Variants in RAB15 observed in about 807,000 individuals in gnomAD.
RAB15 encodes ras-related protein Rab-15.
RAB15 carries 13 observed loss-of-function variants against 31.8 expected under a neutral mutation model. The ratio of observed to expected loss-of-function variants is 0.41; its 90% CI spans 0.27 to 0.65. The LOEUF is 0.65. RAB15 is among the 30% of genes least tolerant of loss of function. The pLI is 0.32. For synonymous variants in RAB15, 100 were observed against 105.6 expected, an observed-to-expected ratio of 0.95 and a Z score of 0.33; for missense variants, 220 against 277.3, an observed-to-expected ratio of 0.79 and a Z score of 1.47.
intron 1 of RAB15, among the ~76,000 whole-genome samples, chr14:64,969,687 A>G (rs942820548): frequency 1.3e-5 from 2 of 152,104 alleles, no homozygotes; most frequent in Non-Finnish European, 2.9e-5. Context: ...AGGCCAATAT[A>G]CCAAGGGCCT....
chr14:64,966,939 C>G (rs2140001583), intron 1 of RAB15, among the ~76,000 whole-genome samples: 1 of 152,294 alleles, frequency 6.6e-6, no homozygotes, highest in Non-Finnish European at 1.5e-5. Context: ...AGTCTAGAAA[C>G]CTGCAAACCC....
rs982240866 is a variant in RAB15, at chr14:64,955,034, C to T, written c.125-2463G>A. ...TCTCACCTCCTCCCTCACTTCTTAG[C>T]TATGTGGCGGGGGACTAAGGCTGAG... On this transcript the variant is annotated intron_variant, in intron 1 of 6. Transcript: ENST00000533601. This position sits in a 1 kb window ranked among gnomAD's most constrained non-coding sequence, Gnocchi z 4.4. Among the ~76,000 whole-genome samples the T allele has an allele frequency of 6.6e-6, 1 of 152,086 alleles. No individual in the cohort carries two copies. The highest frequency in any genetic ancestry group is 2.4e-5 in the African/African-American group (1 of 41,402).
intron 1 of RAB15, among the ~76,000 whole-genome samples, chr14:64,957,599 CCT>C (rs1402332461): frequency 1.3e-5 from 2 of 152,200 alleles, no homozygotes; most frequent in Non-Finnish European, 2.9e-5. Flanking sequence ...ACAGCATACC[CCT>C]GAGCTATGGA....
In RAB15 at chr14:64,947,975, AAG is replaced by A. The variant is rs931055443; in HGVS notation, c.*377_*378del. ...GGGGTCAGAGAAAGAGAAGTGGGGG[AAG>A]AGAGAAAAAGCAGAGAAGAGACACG... is the stretch of plus-strand genomic sequence containing the variant. On this transcript the variant is annotated 3_prime_UTR_variant, in exon 7 of 7. Coordinates refer to ENST00000533601, the MANE Select transcript of RAB15 (RefSeq NM_001308154.2). This position sits in a 1 kb window ranked among gnomAD's most constrained non-coding sequence, Gnocchi z 5.6. 2 of 194,014 alleles carry A rather than the reference AAG, an allele frequency of 1.0e-5. No individual in the cohort carries two copies. The highest frequency in any genetic ancestry group is 4.6e-5 in the African/African-American group (2 of 43,078). 12.0% of individuals were successfully genotyped at this position (194,014 alleles called of 1,614,324 possible). A position where few individuals can be genotyped will look rare whatever the true frequency, so the allele number is the denominator to read the frequency against.
intron 1 of RAB15, among the ~76,000 whole-genome samples, chr14:64,969,490 G>T (rs1188333750): frequency 6.6e-6 from 1 of 152,204 alleles, no homozygotes; most frequent in Non-Finnish European, 1.5e-5. Context: ...AAGATACCCA[G>T]TGGGGCAGAT....
chr14:64,958,693 G>T lies in RAB15; in HGVS notation c.125-6122C>A, dbSNP rs1392980975. Among the ~76,000 whole-genome samples, 3 of 152,110 alleles carry T rather than the reference G, an allele frequency of 2.0e-5. No individual in the cohort carries two copies. Among genetic ancestry groups the T allele is most frequent in the Non-Finnish European group, 2.9e-5 (2 of 68,024 alleles). Reference sequence around the variant, plus strand: ...TGGGTACAGAAAGAAATAGGGCACAGAAGTGTTAAGAAACAAGCAAACCAC... The same window carrying T: ...TGGGTACAGAAAGAAATAGGGCACATAAGTGTTAAGAAACAAGCAAACCAC... On this transcript the variant is annotated intron_variant, in intron 1 of 6. Transcript: ENST00000533601. This position sits in a 1 kb window ranked among gnomAD's most constrained non-coding sequence, Gnocchi z 4.4.
chr14:64,959,972 C>T (rs996142038), intron 1 of RAB15, among the ~76,000 whole-genome samples: 1 of 152,054 alleles, frequency 6.6e-6, no homozygotes, highest in African/African-American at 2.4e-5. Context: ...CCACCTGATG[C>T]CTCAGACATT....
intron 5 of RAB15, among the ~76,000 whole-genome samples, chr14:64,949,722 CA>C (rs200189142): frequency 0.28 from 24,143 of 84,944 alleles, 2,091 homozygotes; most frequent in East Asian, 0.57. Flanking sequence ...GACTCCATCT[CA>C]AAAAAAAAAA....
chr14:64,971,790 G>T lies in RAB15; in HGVS notation c.124+163C>A. ...GCAGGCAGCAGGGACACCCTCACCT[G>T]CCAAAACCTATGCTCACCCCGAGAT... On this transcript the variant is annotated intron_variant, in intron 1 of 6. Coordinates refer to ENST00000533601, the MANE Select transcript of RAB15 (RefSeq NM_001308154.2). This position sits in a 1 kb window ranked among gnomAD's most constrained non-coding sequence, Gnocchi z 4.1. 1 of 681,316 alleles carries T rather than the reference G, an allele frequency of 1.5e-6. No individual in the cohort carries two copies. The highest frequency in any genetic ancestry group is 2.4e-6 in the Non-Finnish European group (1 of 411,236). 42.2% of individuals were successfully genotyped at this position (681,316 alleles called of 1,614,324 possible).
At position 64,951,714 on chromosome 14, in the gene RAB15, G is replaced by A. The variant is rs145781570; in HGVS notation, c.186-51C>T. 3.1e-5 allele frequency: 47 copies of A among 1,513,128 alleles called. No homozygotes were observed. The highest frequency in any genetic ancestry group is 3.4e-4 in the Middle Eastern group (2 of 5,896). 93.7% of individuals were successfully genotyped at this position (1,513,128 alleles called of 1,614,324 possible). On this transcript the variant is annotated intron_variant, in intron 2 of 6. Transcript: ENST00000533601. This position sits in a 1 kb window ranked among gnomAD's most constrained non-coding sequence, Gnocchi z 7.2. The stretch of plus-strand genomic sequence containing the variant: ...AGGAGCAGGGACCATGGGAACAGAC[G>A]GGGAGGGGAAGAGCAGAGCTGTCCC...
intron 1 of RAB15, among the ~76,000 whole-genome samples, chr14:64,956,297 A>G (rs1026273097): frequency 2.6e-5 from 4 of 151,744 alleles, no homozygotes; most frequent in African/African-American, 7.3e-5. Flanking sequence ...CCAGCTACTC[A>G]GGAGCGGGTC....
In RAB15 at chr14:64,970,177, G is replaced by A. The variant is rs1021116701; in HGVS notation, c.124+1776C>T. On this transcript the variant is annotated intron_variant, in intron 1 of 6. Transcript: ENST00000533601. The surrounding 1 kb of genome is among the most constrained non-coding windows in gnomAD (Gnocchi z 4.1). ...CCCAGGCAGCCCACAGCTCTCTGGAGATAGCTCAGTAGTTCCAAGCACCAG... is the reference window on the plus strand; with the variant it reads ...CCCAGGCAGCCCACAGCTCTCTGGAAATAGCTCAGTAGTTCCAAGCACCAG... Among the ~76,000 whole-genome samples, 1 of 152,210 alleles carries A rather than the reference G, an allele frequency of 6.6e-6. No homozygotes were observed. Among genetic ancestry groups the A allele is most frequent in the Non-Finnish European group, 1.5e-5 (1 of 68,032 alleles).
chr14:64,968,283 C>G lies in RAB15; in HGVS notation c.124+3670G>C, dbSNP rs1176603062. Reference sequence around the variant, plus strand: ...CACGGACACCTACTCAATCCCACCTCTGTTATCTCTGCTCATGTTACTCCA... The same window carrying G: ...CACGGACACCTACTCAATCCCACCTGTGTTATCTCTGCTCATGTTACTCCA... On this transcript the variant is annotated intron_variant, in intron 1 of 6. Transcript: ENST00000533601. The surrounding 1 kb of genome is among the most constrained non-coding windows in gnomAD (Gnocchi z 4.9). 6.6e-6 allele frequency among the ~76,000 whole-genome samples: 1 copy of G among 152,176 alleles called. No individual in the cohort carries two copies. The highest frequency in any genetic ancestry group is 1.5e-5 in the Non-Finnish European group (1 of 68,044).
In RAB15 at chr14:64,971,301, G is replaced by A. The variant is rs1887403517; in HGVS notation, c.124+652C>T. The stretch of plus-strand genomic sequence containing the variant: ...GTCCTGCCTGCCTTCTGACCCCTTG[G>A]TCTGGGCAGGTATTCCTGACACTCC... On this transcript the variant is annotated intron_variant, in intron 1 of 6. Coordinates refer to ENST00000533601, the MANE Select transcript of RAB15 (RefSeq NM_001308154.2). The surrounding 1 kb of genome is among the most constrained non-coding windows in gnomAD (Gnocchi z 4.1). 6.6e-6 allele frequency among the ~76,000 whole-genome samples: 1 copy of A among 152,174 alleles called. No homozygotes were observed. The highest frequency in any genetic ancestry group is 2.4e-5 in the African/African-American group (1 of 41,440).
chr14:64,965,432 C>T (rs1887085836), intron 1 of RAB15, among the ~76,000 whole-genome samples: 1 of 152,112 alleles, frequency 6.6e-6, no homozygotes, highest in African/African-American at 2.4e-5. Flanking sequence ...TGCACTCCAG[C>T]CTGGGCGACA....
In RAB15 at chr14:64,948,801, A is replaced by C. The variant is rs1352349172; in HGVS notation, c.415-68T>G. 4.3e-6 allele frequency: 6 copies of C among 1,388,026 alleles called. No individual in the cohort carries two copies. In the African/African-American group the frequency reaches 8.5e-5, roughly 20 times the overall value. 86.0% of individuals were successfully genotyped at this position (1,388,026 alleles called of 1,614,324 possible). On this transcript the variant is annotated intron_variant, in intron 5 of 6. Coordinates refer to ENST00000533601, the MANE Select transcript of RAB15 (RefSeq NM_001308154.2). This position sits in a 1 kb window ranked among gnomAD's most constrained non-coding sequence, Gnocchi z 7.0. Reference sequence around the variant, plus strand: ...GGGAGGGGCCCATACAACCAGGCACAGGCTTCTGCCACTGCACTCACAACC... The same window carrying C: ...GGGAGGGGCCCATACAACCAGGCACCGGCTTCTGCCACTGCACTCACAACC...
rs1886330247 is a variant in RAB15 at position 64,952,734 on chromosome 14, T to C, written c.125-163A>G. On this transcript the variant is annotated intron_variant, in intron 1 of 6. Transcript: ENST00000533601. The surrounding 1 kb of genome is among the most constrained non-coding windows in gnomAD (Gnocchi z 4.2). ...TAAGCAGAAACTGACCTTAAGGAAG[T>C]ATCTGAAGCTTTGAAAGGGGCTTTC... Among the ~76,000 whole-genome samples the C allele has an allele frequency of 6.6e-6, 1 of 152,156 alleles. No homozygotes were observed. Among genetic ancestry groups the C allele is most frequent in the Admixed American group, 6.5e-5 (1 of 15,276 alleles).
intron 1 of RAB15, among the ~76,000 whole-genome samples, chr14:64,963,999 G>T (rs1274947003): frequency 1.3e-5 from 2 of 152,124 alleles, no homozygotes; most frequent in Non-Finnish European, 2.9e-5. Flanking sequence ...TGGATGTCTG[G>T]TTCCCAGCTA....
intron 1 of RAB15, among the ~76,000 whole-genome samples, chr14:64,965,965 A>G (rs1054698837): frequency 6.6e-6 from 1 of 152,114 alleles, no homozygotes; most frequent in African/African-American, 2.4e-5. Context: ...TGTCAGGAGG[A>G]GAAACAGAGG....
Sources: gnomAD v4.1 joint callset for allele counts (sites outside exome capture counted in the v4.1 genomes callset) on GRCh38, gnomAD v4.1.1 for gene constraint, Gnocchi (gnomAD v3.1) non-coding constraint, MANE v1.5 for transcripts, NCBI Gene and HGNC (gene_info 2026-07-23, HGNC 2026-07-21) for gene names.